GPR158: variants seen among roughly 807,000 people sequenced by gnomAD.
GPR158 encodes metabotropic glycine receptor.
GPR158 carries 30 observed loss-of-function variants against 78.2 expected under a neutral mutation model. The observed-to-expected ratio is 0.38, with a 90% CI of 0.29 to 0.52. The LOEUF is 0.52. Among genes scored for constraint, GPR158 ranks in the 20% least tolerant of loss-of-function variants. The pLI, the probability that GPR158 is intolerant of heterozygous loss-of-function variation, is 0.83. For missense variants in GPR158, 1,463 were observed against 1,523.5 expected (o/e 0.96, Z 0.66); for synonymous variants, 581 against 591.1 (o/e 0.98, Z 0.25).
intron 5 of GPR158, among the ~76,000 whole-genome samples, chr10:25,527,241 T>A (rs1413238313): frequency 6.6e-6 from 1 of 152,166 alleles, no homozygotes; most frequent in Non-Finnish European, 1.5e-5. Context: ...AACAAAACTG[T>A]ACAAGTGGTA....
chr10:25,533,495 C>G (rs1318251390), intron 5 of GPR158, among the ~76,000 whole-genome samples: 1 of 152,186 alleles, frequency 6.6e-6, no homozygotes, highest in Non-Finnish European at 1.5e-5. Flanking sequence ...ATGGCTGTAT[C>G]TTCTCTCTCA....
At chr10:25,261,247 C>G (rs951573182) in intron 2 of GPR158, among the ~76,000 whole-genome samples, 4 of 152,142 alleles carry the variant, frequency 2.6e-5, no homozygotes, top group African/African-American at 9.7e-5. Context: ...CCATTTGATT[C>G]ATGTCTATTC....
At chr10:25,464,759 G>A (rs1481424466) in intron 4 of GPR158, among the ~76,000 whole-genome samples, 3 of 152,138 alleles carry the variant, frequency 2.0e-5, no homozygotes, top group Non-Finnish European at 4.4e-5. Flanking sequence ...AGACAGTCAT[G>A]TATAATATTT....
rs2130758295 is a variant in GPR158, at chr10:25,599,235, G to A, written c.3609G>A (p.Gly1203=). 3.7e-6 allele frequency: 6 copies of A among 1,612,516 alleles called. No homozygotes were observed. The highest frequency in any genetic ancestry group is 2.2e-5 in the South Asian group (2 of 91,066). The part of the protein sequence containing the change: ...SSALSANKIA[G]PRKEEIWDSF... ...CTCTAAGTGCAAATAAGATAGCAGG[G>A]CCTAGGAAAGAAGAGATCTGGGATA... Residue 1203 remains glycine, a synonymous_variant, in exon 11 of 11, where the codon GGG becomes GGA. Transcript: ENST00000376351.
chr10:25,239,690 G>C (rs1588751379), intron 2 of GPR158, among the ~76,000 whole-genome samples: 1 of 151,828 alleles, frequency 6.6e-6, no homozygotes, highest in South Asian at 2.1e-4. Flanking sequence ...ATATATGCCT[G>C]CCAGTAAAAT....
chr10:25,594,057 A>T (rs180896689), intron 8 of GPR158, among the ~76,000 whole-genome samples: 4 of 152,252 alleles, frequency 2.6e-5, no homozygotes, highest in African/African-American at 4.8e-5. Flanking sequence ...GGGAATTATT[A>T]TGCTGCCTTT....
intron 8 of GPR158, among the ~76,000 whole-genome samples, chr10:25,593,937 T>C (rs1228596190): frequency 6.6e-6 from 1 of 152,092 alleles, no homozygotes; most frequent in Non-Finnish European, 1.5e-5. Context: ...ATATTACAAC[T>C]GATAACTCTA....
intron 2 of GPR158, among the ~76,000 whole-genome samples, chr10:25,250,119 T>A (rs1166545184): frequency 1.8e-5 from 2 of 113,074 alleles, no homozygotes; most frequent in Non-Finnish European, 1.8e-5. Context: ...TGTAGTATTC[T>A]CTGATGGTAG....
chr10:25,548,464 C>T (rs1023493939), intron 5 of GPR158, among the ~76,000 whole-genome samples: 1 of 152,158 alleles, frequency 6.6e-6, no homozygotes, highest in Non-Finnish European at 1.5e-5. Flanking sequence ...TTATTGAATA[C>T]TCATTGTACC....
chr10:25,525,114 A>T (rs1836330070), intron 5 of GPR158, among the ~76,000 whole-genome samples: 1 of 152,186 alleles, frequency 6.6e-6, no homozygotes, highest in African/African-American at 2.4e-5. Context: ...AAAGATAGAT[A>T]AAAAAGATAG....
At chr10:25,592,408 C>G (rs1221626639) in intron 8 of GPR158, among the ~76,000 whole-genome samples, 1 of 151,932 alleles carries the variant, frequency 6.6e-6, no homozygotes, top group Admixed American at 6.6e-5. Context: ...AAGCACAAGA[C>G]TTTTAAGTGT....
chr10:25,507,435 T>C (rs1171871987), intron 5 of GPR158, among the ~76,000 whole-genome samples: 1 of 152,200 alleles, frequency 6.6e-6, no homozygotes, highest in East Asian at 1.9e-4. Context: ...ACACTATCTA[T>C]AAAACATAGG....
chr10:25,513,414 CTT>C (rs1836112268), intron 5 of GPR158, among the ~76,000 whole-genome samples: 1 of 151,212 alleles, frequency 6.6e-6, no homozygotes, highest in Admixed American at 6.6e-5. Flanking sequence ...GATCTTCTCT[CTT>C]GTTTTCTTGG....
intron 2 of GPR158, among the ~76,000 whole-genome samples, chr10:25,322,982 G>T (rs1326206529): frequency 1.3e-5 from 2 of 152,076 alleles, no homozygotes; most frequent in Admixed American, 6.5e-5. Context: ...GAGTAGCTGG[G>T]ACTACAGATG....
chr10:25,256,073 A>G (rs1853884910), intron 2 of GPR158, among the ~76,000 whole-genome samples: 1 of 152,102 alleles, frequency 6.6e-6, no homozygotes, highest in South Asian at 2.1e-4. Context: ...GAGTGATGTG[A>G]CTAAAGACCT....
chr10:25,404,981 A>ATGT (rs1350697755), intron 3 of GPR158, among the ~76,000 whole-genome samples: 2 of 152,118 alleles, frequency 1.3e-5, no homozygotes, highest in East Asian at 3.9e-4. Flanking sequence ...TGCAATTCAT[A>ATGT]TGTTCCAAAA....
chr10:25,225,183 C>CTTTTTTTTTTTTTTTT (rs60603738), intron 2 of GPR158, among the ~76,000 whole-genome samples: 3 of 134,762 alleles, frequency 2.2e-5, no homozygotes, highest in African/African-American at 5.6e-5. Flanking sequence ...GAACATTTGC[C>CTTTTTTTTTTTTTTTT]TTTTTTTTTT....
At chr10:25,488,203 T>G (rs1220976670) in intron 5 of GPR158, among the ~76,000 whole-genome samples, 1 of 152,110 alleles carries the variant, frequency 6.6e-6, no homozygotes. Flanking sequence ...CTTTATCCAT[T>G]GAAGAGGCAG....
intron 2 of GPR158, among the ~76,000 whole-genome samples, chr10:25,239,813 A>G (rs1853579234): frequency 6.6e-6 from 1 of 152,212 alleles, no homozygotes; most frequent in Admixed American, 6.5e-5. Flanking sequence ...AAGATATTGT[A>G]GTAAACAAAA....
Sources: gnomAD v4.1 joint callset for allele counts (sites outside exome capture counted in the v4.1 genomes callset) on GRCh38, gnomAD v4.1.1 for gene constraint, MANE v1.5 for transcripts, NCBI Gene and HGNC (gene_info 2026-07-23, HGNC 2026-07-21) for gene names.